The following OSBPL10 variants were observed in gnomAD, a reference collection of about 807,000 sequenced individuals.
OSBPL10 encodes the protein oxysterol binding protein like 10.
Under a neutral mutation model 81.7 loss-of-function variants are expected in OSBPL10, and 49 were observed. That is an observed-to-expected ratio of 0.60 (90% CI 0.48 to 0.76). The LOEUF (loss-of-function observed/expected upper bound fraction) is 0.76, where lower values mean the gene tolerates loss of function less well. Ranked by LOEUF, OSBPL10 falls within the 30% of genes least tolerant of loss-of-function variation. The probability of loss-of-function intolerance (pLI) is 0.00; values close to 1 mark genes in which losing one functional copy is unlikely to be tolerated. For missense variants in OSBPL10, 923 were observed against 987.8 expected (o/e 0.93, Z 0.88); for synonymous variants, 419 against 383.6 (o/e 1.09, Z -1.08).
At chr3:31,804,426 C>T (rs1699473444) in intron 4 of OSBPL10, among the ~76,000 whole-genome samples, 1 of 152,170 alleles carries the variant, frequency 6.6e-6, no homozygotes, top group South Asian at 2.1e-4. Context: ...GTTCCACTGA[C>T]TTACAAGTAA....
chr3:31,747,487 T>TA (rs61150758), intron 5 of OSBPL10, among the ~76,000 whole-genome samples: 7,494 of 97,872 alleles, frequency 0.077, 210 homozygotes, highest in South Asian at 0.11. Flanking sequence ...AATCTTCAAA[T>TA]AAAAAAAAAA....
At chr3:31,861,472 T>A (rs1474653276) in intron 3 of OSBPL10, among the ~76,000 whole-genome samples, 1 of 152,146 alleles carries the variant, frequency 6.6e-6, no homozygotes, top group Non-Finnish European at 1.5e-5. Context: ...CAGATGCAAT[T>A]TTTTTTAGAA....
At chr3:31,706,353 G>A (rs537711727) in intron 6 of OSBPL10, among the ~76,000 whole-genome samples, 1 of 152,324 alleles carries the variant, frequency 6.6e-6, no homozygotes, top group South Asian at 2.1e-4. Context: ...TTTTTCTGAA[G>A]AGGGGGTCCA....
chr3:31,961,556 G>T (rs1447313331), intron 1 of OSBPL10, among the ~76,000 whole-genome samples: 2 of 152,058 alleles, frequency 1.3e-5, no homozygotes, highest in African/African-American at 4.8e-5. Flanking sequence ...TAATAATGCT[G>T]GGAGGGGGCT....
At chr3:31,932,706 C>T (rs1198354072) in intron 1 of OSBPL10, among the ~76,000 whole-genome samples, 1 of 152,016 alleles carries the variant, frequency 6.6e-6, no homozygotes, top group Non-Finnish European at 1.5e-5. Flanking sequence ...TCTCCTCCCC[C>T]TCCTTCTTCT....
intron 1 of OSBPL10, among the ~76,000 whole-genome samples, chr3:31,901,598 T>TCC (rs1165494007): frequency 2.0e-5 from 3 of 152,220 alleles, no homozygotes; most frequent in Non-Finnish European, 4.4e-5. Context: ...GCACACTGCC[T>TCC]CCCTCGCATT....
intron 2 of OSBPL10, among the ~76,000 whole-genome samples, chr3:32,025,872 C>G (rs1019106880): frequency 1.3e-5 from 2 of 152,110 alleles, no homozygotes; most frequent in African/African-American, 4.8e-5. Flanking sequence ...AGCCATCAGG[C>G]TTTCTTGAGT....
At chr3:31,887,437 C>T (rs1695766310) in intron 1 of OSBPL10, among the ~76,000 whole-genome samples, 1 of 152,138 alleles carries the variant, frequency 6.6e-6, no homozygotes, top group African/African-American at 2.4e-5. Flanking sequence ...AGACTAAAGT[C>T]AGCAAAAAGT....
intron 8 of OSBPL10, among the ~76,000 whole-genome samples, chr3:31,671,949 C>T (rs1292815771): frequency 6.6e-6 from 1 of 152,138 alleles, no homozygotes; most frequent in African/African-American, 2.4e-5. Context: ...CCATCCAATA[C>T]TTTGGCACTT....
At chr3:31,995,371 T>C (rs1699080764) in intron 2 of OSBPL10, among the ~76,000 whole-genome samples, 1 of 152,198 alleles carries the variant, frequency 6.6e-6, no homozygotes, top group Non-Finnish European at 1.5e-5. Context: ...AGGGTCTTAA[T>C]ATTCCTTGCT....
At chr3:31,665,868 C>A (rs542889406) in intron 10 of OSBPL10, among the ~76,000 whole-genome samples, 1 of 152,208 alleles carries the variant, frequency 6.6e-6, no homozygotes, top group African/African-American at 2.4e-5. Flanking sequence ...CATGGTAAGT[C>A]CCATCTTAAG....
At chr3:31,999,359 CTTTT>C (rs5847729) in intron 2 of OSBPL10, among the ~76,000 whole-genome samples, 3 of 125,852 alleles carry the variant, frequency 2.4e-5, no homozygotes, top group Non-Finnish European at 1.6e-5. Flanking sequence ...ATATCAAAAT[CTTTT>C]TTTTTTTTTT....
At chr3:31,734,334 A>AT (rs1300570245) in intron 5 of OSBPL10, among the ~76,000 whole-genome samples, 1 of 152,028 alleles carries the variant, frequency 6.6e-6, no homozygotes, top group Non-Finnish European at 1.5e-5. Context: ...TTTTACTCTA[A>AT]TTTTTTTTAA....
Position 31,871,260 on chromosome 3 carries a change from C to T in OSBPL10, c.537+5173G>A, listed in dbSNP as rs532040536. ...TCTGCAGCTTCACTCCTGAAGCCAGCGAGACCATGAGCCCACCGGGAGGAA... is the reference window on the plus strand; with the variant it reads ...TCTGCAGCTTCACTCCTGAAGCCAGTGAGACCATGAGCCCACCGGGAGGAA... On this transcript the variant is annotated intron_variant, in intron 3 of 11. Transcript: ENST00000396556. Among the ~76,000 whole-genome samples the T allele has an allele frequency of 1.2e-4, 18 of 152,174 alleles. 1 individual carries two copies. In the South Asian group the frequency reaches 3.5e-3, roughly 30 times the overall value.
At chr3:32,000,811 C>T (rs1182857573) in intron 2 of OSBPL10, among the ~76,000 whole-genome samples, 1 of 152,168 alleles carries the variant, frequency 6.6e-6, no homozygotes, top group Non-Finnish European at 1.5e-5. Flanking sequence ...TCTTTGACTC[C>T]GGCCATGCGG....
chr3:31,729,209 C>T (rs1696892779), intron 6 of OSBPL10, among the ~76,000 whole-genome samples: 1 of 152,120 alleles, frequency 6.6e-6, no homozygotes, highest in African/African-American at 2.4e-5. Flanking sequence ...GGTGAGTGTA[C>T]ATGGTCACGT....
chr3:31,880,659 A>G (rs555149180), intron 1 of OSBPL10, among the ~76,000 whole-genome samples: 1 of 152,014 alleles, frequency 6.6e-6, no homozygotes, highest in Non-Finnish European at 1.5e-5. Context: ...TTCATCTTCC[A>G]CTGACACTAG....
chr3:31,890,562 C>T (rs954832538), intron 1 of OSBPL10, among the ~76,000 whole-genome samples: 2 of 152,040 alleles, frequency 1.3e-5, no homozygotes, highest in Non-Finnish European at 2.9e-5. Context: ...CTTTGGAGAC[C>T]TCATAAAGCA....
chr3:31,940,828 C>T (rs376114478), intron 1 of OSBPL10, among the ~76,000 whole-genome samples: 16 of 152,174 alleles, frequency 1.1e-4, no homozygotes, highest in Middle Eastern at 3.4e-3. Context: ...TTAGTAGAGA[C>T]GGGGTTTCAC....
Sources: gnomAD v4.1 joint callset for allele counts (sites outside exome capture counted in the v4.1 genomes callset) on GRCh38, gnomAD v4.1.1 for gene constraint, MANE v1.5 for transcripts, NCBI Gene and HGNC (gene_info 2026-07-23, HGNC 2026-07-21) for gene names.